CAST: variants seen among roughly 807,000 people sequenced by gnomAD.
CAST encodes MIR583 host.
CAST carries 76 observed loss-of-function variants against 119.6 expected under a neutral mutation model. The observed-to-expected ratio is 0.64, with a 90% CI of 0.53 to 0.77. The LOEUF (loss-of-function observed/expected upper bound fraction) is 0.77. Among genes scored for constraint, CAST ranks in the 30% least tolerant of loss-of-function variants. The pLI is 0.00. For missense variants in CAST, 953 were observed against 946.5 expected (o/e 1.01, Z -0.09); for synonymous variants, 319 against 331.6 (o/e 0.96, Z 0.41).
the CAST span, among the ~76,000 whole-genome samples, chr5:96,429,561 GCCC>G: frequency 6.6e-6 from 1 of 152,036 alleles, no homozygotes; most frequent in African/African-American, 2.4e-5. Flanking sequence ...CAGGTATTAA[GCCC>G]AATACCCATT....
chr5:96,189,129 A>G, the CAST span, among the ~76,000 whole-genome samples: 1 of 152,188 alleles, frequency 6.6e-6, no homozygotes, highest in Non-Finnish European at 1.5e-5. Context: ...TATGTCTGCT[A>G]TGAACCATTA....
At chr5:96,551,562 A>G (rs1746126294) in intron 1 of CAST, among the ~76,000 whole-genome samples, 1 of 152,254 alleles carries the variant, frequency 6.6e-6, no homozygotes, top group African/African-American at 2.4e-5. Context: ...AAATTCACAC[A>G]TAACAATATT....
intron 1 of CAST, among the ~76,000 whole-genome samples, chr5:96,643,833 A>G (rs905748050): frequency 4.6e-5 from 7 of 152,172 alleles, no homozygotes; most frequent in Non-Finnish European, 1.0e-4. Flanking sequence ...AGATCATGAC[A>G]CTGTACTCCA....
chr5:95,975,125 A>G, the CAST span, among the ~76,000 whole-genome samples: 3 of 152,200 alleles, frequency 2.0e-5, no homozygotes, highest in Non-Finnish European at 2.9e-5. Context: ...GCATCACTGC[A>G]TATAAAGTCA....
At chr5:96,462,558 TTCA>T in the CAST span, among the ~76,000 whole-genome samples, 1 of 152,226 alleles carries the variant, frequency 6.6e-6, no homozygotes, top group South Asian at 2.1e-4. Context: ...TCAATAAATA[TTCA>T]TCATCATTAT....
the CAST span, among the ~76,000 whole-genome samples, chr5:96,469,623 CAG>C: frequency 6.6e-6 from 1 of 151,756 alleles, no homozygotes; most frequent in Non-Finnish European, 1.5e-5. Flanking sequence ...ATGGAGAAAA[CAG>C]AATGCATTGA....
chr5:96,199,593 AATT>A, the CAST span, among the ~76,000 whole-genome samples: 1 of 152,136 alleles, frequency 6.6e-6, no homozygotes, highest in East Asian at 1.9e-4. Context: ...CAGAAAAAAA[AATT>A]TAAGGCCACA....
intron 9 of CAST, among the ~76,000 whole-genome samples, chr5:96,733,082 A>G (rs1378498493): frequency 6.6e-6 from 1 of 152,212 alleles, no homozygotes; most frequent in Non-Finnish European, 1.5e-5. Context: ...TTTGGGAGAA[A>G]AGGCACATTA....
At chr5:96,134,798 A>T in the CAST span, among the ~76,000 whole-genome samples, 1 of 152,214 alleles carries the variant, frequency 6.6e-6, no homozygotes, top group East Asian at 1.9e-4. Context: ...TGAAAGAGCC[A>T]CGGTTTTCTG....
chr5:96,019,104 G>A, the CAST span, among the ~76,000 whole-genome samples: 2 of 152,084 alleles, frequency 1.3e-5, no homozygotes, highest in Admixed American at 6.6e-5. Flanking sequence ...AAAGGGAGGG[G>A]GAAGGAGAGC....
the CAST span, among the ~76,000 whole-genome samples, chr5:96,474,229 A>G: frequency 6.6e-6 from 1 of 152,168 alleles, no homozygotes; most frequent in African/African-American, 2.4e-5. Context: ...GGTCCAAATT[A>G]TGATGCAGAA....
the CAST span, chr5:96,398,781 A>T: frequency 9.9e-7 from 1 of 1,013,262 alleles, no homozygotes; most frequent in Non-Finnish European, 1.6e-6. Context: ...AATATCTATT[A>T]GGAGACTTTG....
chr5:96,694,183 T>C (rs1753024130), intron 2 of CAST, among the ~76,000 whole-genome samples: 1 of 152,214 alleles, frequency 6.6e-6, no homozygotes, highest in East Asian at 1.9e-4. Context: ...ACCAAATTAT[T>C]CTCAATTATA....
chr5:95,978,906 G>A, the CAST span, among the ~76,000 whole-genome samples: 205 of 152,258 alleles, frequency 1.3e-3, 1 homozygote, highest in African/African-American at 4.7e-3. Context: ...ACTGACTCTT[G>A]GGTTATCAGG....
chr5:96,368,515 A>AC, the CAST span, among the ~76,000 whole-genome samples: 2 of 151,192 alleles, frequency 1.3e-5, no homozygotes, highest in African/African-American at 4.9e-5. Context: ...AAAAAAAAAA[A>AC]CAAAAAAACC....
chr5:96,738,809 G>T (rs996355820), intron 11 of CAST, among the ~76,000 whole-genome samples: 3 of 151,476 alleles, frequency 2.0e-5, no homozygotes, highest in African/African-American at 7.3e-5. Context: ...TTGGCGCATG[G>T]CTGTAATCCC....
the CAST span, among the ~76,000 whole-genome samples, chr5:96,089,888 G>A: frequency 2.0e-5 from 3 of 152,106 alleles, no homozygotes; most frequent in African/African-American, 4.8e-5. Flanking sequence ...CTTCTCATTC[G>A]TATTTCTTCT....
upstream of CAST, among the ~76,000 whole-genome samples, chr5:96,522,872 T>C (rs890832305): frequency 1.3e-5 from 2 of 152,192 alleles, no homozygotes; most frequent in African/African-American, 4.8e-5. Flanking sequence ...GACATGGAAG[T>C]CATCCTAAGT....
At chr5:96,155,336 G>T in the CAST span, among the ~76,000 whole-genome samples, 1 of 152,164 alleles carries the variant, frequency 6.6e-6, no homozygotes. Flanking sequence ...CGCCCATCAT[G>T]CATGGCTTGG....
Sources: allele counts gnomAD v4.1 joint callset (sites outside exome capture counted in the v4.1 genomes callset), GRCh38; gene constraint gnomAD v4.1.1; transcripts MANE v1.5; gene names NCBI Gene and HGNC (gene_info 2026-07-23, HGNC 2026-07-21).